The following IL34 variants were observed in gnomAD, a reference collection of about 807,000 sequenced individuals.
IL34 encodes the protein interleukin-34.
A neutral mutation model predicts 25.3 loss-of-function variants in IL34; 17 were observed. The observed-to-expected ratio is 0.67, with a 90% confidence interval of 0.46 to 1.01. IL34 has a LOEUF of 1.01. IL34 is among the 50% of genes least tolerant of loss of function. IL34 has a pLI of 0.00. For synonymous variants in IL34, 174 were observed against 140.9 expected, an observed-to-expected ratio of 1.23 and a Z score of -1.66; for missense variants, 368 against 312.9, an observed-to-expected ratio of 1.18 and a Z score of -1.33.
intron 1 of IL34, among the ~76,000 whole-genome samples, chr16:70,591,251 A>G (rs1453900728): frequency 6.6e-6 from 1 of 152,072 alleles, no homozygotes; most frequent in Non-Finnish European, 1.5e-5. Flanking sequence ...CACATGATTC[A>G]ATCTGTCCAA....
At chr16:70,599,270 T>G (rs912715984) in intron 1 of IL34, among the ~76,000 whole-genome samples, 1 of 112,570 alleles carries the variant, frequency 8.9e-6, no homozygotes, top group South Asian at 3.8e-4. Context: ...GAACTGTTTC[T>G]TTCTTTCTTT....
At chr16:70,657,820 T>A (rs940969083) in intron 4 of IL34, among the ~76,000 whole-genome samples, 1 of 152,294 alleles carries the variant, frequency 6.6e-6, no homozygotes, top group Middle Eastern at 3.4e-3. Flanking sequence ...GCATTCATGT[T>A]GTATACATGA....
intron 1 of IL34, among the ~76,000 whole-genome samples, chr16:70,616,749 T>C (rs1459489541): frequency 6.6e-6 from 1 of 152,144 alleles, no homozygotes; most frequent in Non-Finnish European, 1.5e-5. Context: ...GATTACAAAG[T>C]ACATTGATCA....
At chr16:70,636,190 C>T (rs2051639192) in intron 1 of IL34, among the ~76,000 whole-genome samples, 1 of 152,020 alleles carries the variant, frequency 6.6e-6, no homozygotes, top group South Asian at 2.1e-4. Context: ...AGGTGTGTGC[C>T]ACCACGCCCA....
At chr16:70,616,145 A>G (rs1275706328) in intron 1 of IL34, among the ~76,000 whole-genome samples, 1 of 152,222 alleles carries the variant, frequency 6.6e-6, no homozygotes, top group Non-Finnish European at 1.5e-5. Context: ...ACAGACGCTG[A>G]TGAGATGAAA....
chr16:70,620,459 G>C lies in IL34; in HGVS notation c.-400-26089G>C, dbSNP rs2151836601. 1.5e-5 allele frequency among the ~76,000 whole-genome samples: 2 copies of C among 132,502 alleles called. 1 individual carries two copies. The highest frequency in any genetic ancestry group is 6.2e-5 in the African/African-American group (2 of 32,518). 86.9% of individuals were successfully genotyped at this position (132,502 alleles called of 152,430 possible). On this transcript the variant is annotated intron_variant, in intron 1 of 6. Coordinates refer to the IL34 transcript ENST00000429149. ...GAGGAGGGGAGGTGATAAAAAGATA[G>C]GGTGGAGGAGCGGAGGCTGAGGAAG...
chr16:70,622,061 C>G (rs145058884), intron 1 of IL34, among the ~76,000 whole-genome samples: 82 of 152,008 alleles, frequency 5.4e-4, no homozygotes, highest in Middle Eastern at 3.4e-3. Flanking sequence ...AGAGGCCTGA[C>G]AGGTTTCACT....
chr16:70,605,241 C>G (rs7191224), intron 1 of IL34, among the ~76,000 whole-genome samples: 16,947 of 152,102 alleles, frequency 0.11, 1,292 homozygotes, highest in African/African-American at 0.22. Context: ...GAGTCTCTGA[C>G]GACAAGAGGC....
chr16:70,582,933 C>T (rs1162284716), intron 1 of IL34, among the ~76,000 whole-genome samples: 1 of 152,078 alleles, frequency 6.6e-6, no homozygotes, highest in Non-Finnish European at 1.5e-5. Flanking sequence ...GCATAGCAGG[C>T]CTGGAAGCCG....
At chr16:70,640,170 C>G (rs895839047) in intron 1 of IL34, among the ~76,000 whole-genome samples, 5 of 152,210 alleles carry the variant, frequency 3.3e-5, no homozygotes, top group African/African-American at 9.6e-5. Context: ...GAGACAGGGT[C>G]TCACTCTATC....
chr16:70,637,223 T>G (rs902923329), intron 1 of IL34, among the ~76,000 whole-genome samples: 3 of 152,266 alleles, frequency 2.0e-5, no homozygotes, highest in Admixed American at 6.5e-5. Flanking sequence ...TTTGCATGGA[T>G]GATCCTTCCC....
intron 1 of IL34, among the ~76,000 whole-genome samples, chr16:70,635,200 C>G (rs74737900): frequency 0.019 from 2,880 of 152,266 alleles, 28 homozygotes; most frequent in Middle Eastern, 0.037. Flanking sequence ...AGCTTATACT[C>G]TCAAGGGTAA....
chr16:70,631,151 C>T (rs1049808179), intron 1 of IL34, among the ~76,000 whole-genome samples: 5 of 152,202 alleles, frequency 3.3e-5, no homozygotes, highest in Admixed American at 6.5e-5. Flanking sequence ...ATTGAACCAT[C>T]CTTGCACTCT....
intron 1 of IL34, chr16:70,580,105 C>T (rs16970335): frequency 0.032 from 4,868 of 152,652 alleles, 294 homozygotes; most frequent in African/African-American, 0.11. Context: ...CCTCTGACGG[C>T]CTGGCTTCCC....
At chr16:70,594,966 T>TTTTTC (rs1711618835) in intron 1 of IL34, among the ~76,000 whole-genome samples, 1 of 151,458 alleles carries the variant, frequency 6.6e-6, no homozygotes, top group Non-Finnish European at 1.5e-5. Flanking sequence ...TTTTTTTTTT[T>TTTTTC]TTTTCTGAGA....
intron 1 of IL34, among the ~76,000 whole-genome samples, chr16:70,638,452 A>G (rs532411867): frequency 9.7e-4 from 147 of 152,138 alleles, no homozygotes; most frequent in South Asian, 3.7e-3. Context: ...AAAATAAAGA[A>G]AAAAGAAAAA....
At chr16:70,602,583 A>ATGTGTGTG (rs3058045) in intron 1 of IL34, among the ~76,000 whole-genome samples, 4,494 of 134,774 alleles carry the variant, frequency 0.033, 102 homozygotes, top group Admixed American at 0.096. Flanking sequence ...TTTGGAATTG[A>ATGTGTGTG]TGTGTGTGTG....
intron 1 of IL34, among the ~76,000 whole-genome samples, chr16:70,640,641 AAGTT>A (rs1445930689): frequency 1.1e-4 from 17 of 151,436 alleles, no homozygotes; most frequent in Non-Finnish European, 2.2e-4. Context: ...AAAAAAAAAA[AAGTT>A]AGTTTTTAAA....
intron 1 of IL34, among the ~76,000 whole-genome samples, chr16:70,583,266 C>A (rs2050655159): frequency 6.6e-6 from 1 of 152,022 alleles, no homozygotes; most frequent in Non-Finnish European, 1.5e-5. Flanking sequence ...GCACGCGCCA[C>A]CATGCCTGGC....
Sources: allele counts gnomAD v4.1 joint callset (sites outside exome capture counted in the v4.1 genomes callset), GRCh38; gene constraint gnomAD v4.1.1; transcripts MANE v1.5; gene names NCBI Gene and HGNC (gene_info 2026-07-23, HGNC 2026-07-21).